Variants in ASTN1 observed in about 807,000 individuals in gnomAD.
ASTN1 encodes astrotactin-1.
Under a neutral mutation model 140.7 loss-of-function variants are expected in ASTN1, and 41 were observed. The observed-to-expected ratio is 0.29, with a 90% CI of 0.23 to 0.38. The LOEUF (loss-of-function observed/expected upper bound fraction) is 0.38, where lower values mean the gene tolerates loss of function less well. Ranked by LOEUF, ASTN1 falls within the 10% of genes least tolerant of loss-of-function variation. The probability of loss-of-function intolerance (pLI) is 1.00; values close to 1 mark genes in which losing one functional copy is unlikely to be tolerated. For missense variants in ASTN1, 1,479 were observed against 1,678.8 expected, an observed-to-expected ratio of 0.88 and a Z score of 2.08; for synonymous variants, 640 against 652.2, an observed-to-expected ratio of 0.98 and a Z score of 0.29.
intron 1 of ASTN1, among the ~76,000 whole-genome samples, chr1:177,140,487 T>G (rs1258069814): frequency 6.6e-6 from 1 of 152,176 alleles, no homozygotes; most frequent in African/African-American, 2.4e-5. Context: ...CTAACTTCCT[T>G]TATCCCGCAT....
Position 177,009,915 on chromosome 1 carries a change from T to C in ASTN1, c.1523+4876A>G, listed in dbSNP as rs58961689. Among the ~76,000 whole-genome samples, 1,119 of 152,320 alleles carry C rather than the reference T, an allele frequency of 7.3e-3. 14 individuals carry two copies. Among genetic ancestry groups the C allele is most frequent in the African/African-American group, 0.024 (1,001 of 41,574 alleles). The stretch of plus-strand genomic sequence containing the variant: ...GTGGGGAATCTCCTTGGTGTTGCCC[T>C]CTGTATCTGAGATGCCAGAATAAGA... On this transcript the variant is annotated intron_variant, in intron 8 of 22. Coordinates refer to ENST00000361833, the MANE Select transcript of ASTN1 (RefSeq NM_004319.3).
chr1:176,948,902 A>T (rs567992249), intron 12 of ASTN1, among the ~76,000 whole-genome samples: 1 of 152,364 alleles, frequency 6.6e-6, no homozygotes, highest in Admixed American at 6.5e-5. Context: ...TAATTGGAGA[A>T]TGATTTAAGT....
chr1:176,996,888 AT>A (rs1674480923), intron 8 of ASTN1, among the ~76,000 whole-genome samples: 1 of 152,178 alleles, frequency 6.6e-6, no homozygotes, highest in Non-Finnish European at 1.5e-5. Flanking sequence ...GGAAAATGCA[AT>A]TTGAGGAAGG....
chr1:177,110,499 G>A (rs944543452), intron 1 of ASTN1, among the ~76,000 whole-genome samples: 4 of 152,132 alleles, frequency 2.6e-5, no homozygotes, highest in Admixed American at 6.5e-5. Context: ...CTTTTCCAGC[G>A]ATGCTCTAGA....
chr1:176,946,734 A>C (rs1671974992), intron 12 of ASTN1, among the ~76,000 whole-genome samples: 1 of 152,220 alleles, frequency 6.6e-6, no homozygotes, highest in Non-Finnish European at 1.5e-5. Flanking sequence ...ACCCTAGGGC[A>C]CACAGTGTGA....
intron 7 of ASTN1, among the ~76,000 whole-genome samples, chr1:177,015,787 C>T (rs1675516425): frequency 6.6e-6 from 1 of 152,112 alleles, no homozygotes; most frequent in Non-Finnish European, 1.5e-5. Context: ...GCTCTATTTA[C>T]TACCGATTTT....
chr1:177,057,788 G>A lies in ASTN1; in HGVS notation c.471+3290C>T, dbSNP rs1241497078. Among the ~76,000 whole-genome samples the A allele has an allele frequency of 2.0e-5, 3 of 152,214 alleles. No homozygotes were observed. The East Asian group carries it at 5.8e-4, about 29-fold the overall frequency. On this transcript the variant is annotated intron_variant, in intron 2 of 22. Transcript: ENST00000361833. ...GTTTTGGTAATAAGATTTAATTTAA[G>A]TGCATTTCACTTCTCAATATTGTTA...
chr1:177,029,255 G>T, intron 5 of ASTN1: 1 of 464,304 alleles, frequency 2.2e-6, no homozygotes, highest in South Asian at 1.6e-5. Context: ...CAATGTGGTA[G>T]AGGAAGCAGG....
intron 1 of ASTN1, among the ~76,000 whole-genome samples, chr1:177,121,936 T>C (rs1681408477): frequency 6.6e-6 from 1 of 152,066 alleles, no homozygotes; most frequent in Admixed American, 6.6e-5. Flanking sequence ...GTCAACAGGA[T>C]TGAAGCAGAT....
chr1:176,866,339 C>T (rs1461564190), intron 22 of ASTN1, among the ~76,000 whole-genome samples: 1 of 152,156 alleles, frequency 6.6e-6, no homozygotes, highest in Non-Finnish European at 1.5e-5. Context: ...AAATCAAACA[C>T]TCTGCCTGCT....
intron 14 of ASTN1, among the ~76,000 whole-genome samples, chr1:176,942,818 GTGTATATATATATATATGTATATA>G (rs1275942491): frequency 9.4e-5 from 3 of 31,954 alleles, no homozygotes; most frequent in African/African-American, 3.3e-4. Flanking sequence ...CTTTGTGTGT[GTGTATATATATATATATGTATATA>G]TATATATATA....
At chr1:177,095,155 G>C (rs1571774992) in intron 1 of ASTN1, among the ~76,000 whole-genome samples, 1 of 152,158 alleles carries the variant, frequency 6.6e-6, no homozygotes, top group Non-Finnish European at 1.5e-5. Context: ...TGAGTGCTAA[G>C]AGTAAAATAT....
chr1:176,940,760 T>C (rs1319158131), intron 14 of ASTN1, among the ~76,000 whole-genome samples: 1 of 152,346 alleles, frequency 6.6e-6, no homozygotes, highest in South Asian at 2.1e-4. Flanking sequence ...AGATAAGACA[T>C]GTAGTTCAGT....
chr1:177,162,491 C>T (rs898570266), intron 1 of ASTN1, among the ~76,000 whole-genome samples: 1 of 152,208 alleles, frequency 6.6e-6, no homozygotes, highest in African/African-American at 2.4e-5. Flanking sequence ...GGCAGCTTTG[C>T]ACAGAGGTGC....
At chr1:177,025,446 TA>T (rs1417576063) in intron 5 of ASTN1, among the ~76,000 whole-genome samples, 3 of 152,122 alleles carry the variant, frequency 2.0e-5, no homozygotes, top group African/African-American at 7.2e-5. Context: ...GTACCATTGT[TA>T]TTTTTTTTTA....
intron 1 of ASTN1, among the ~76,000 whole-genome samples, chr1:177,122,065 T>G (rs539048759): frequency 6.6e-6 from 1 of 152,302 alleles, no homozygotes; most frequent in East Asian, 1.9e-4. Flanking sequence ...CCTGGAGCAC[T>G]TTGGGGTTAT....
chr1:177,088,200 T>C (rs1679571176), intron 1 of ASTN1, among the ~76,000 whole-genome samples: 1 of 152,182 alleles, frequency 6.6e-6, no homozygotes, highest in African/African-American at 2.4e-5. Flanking sequence ...GGAAATCCAT[T>C]TAAGCACCTA....
chr1:177,117,208 G>A (rs1171350229), intron 1 of ASTN1, among the ~76,000 whole-genome samples: 1 of 151,914 alleles, frequency 6.6e-6, no homozygotes, highest in African/African-American at 2.4e-5. Context: ...AGACACACAA[G>A]GAACATTCAC....
chr1:177,028,128 G>A (rs1288054559), intron 5 of ASTN1, among the ~76,000 whole-genome samples: 1 of 152,120 alleles, frequency 6.6e-6, no homozygotes, highest in East Asian at 1.9e-4. Flanking sequence ...GTAAAAAGTT[G>A]ATGCATTAGG....
Sources: allele counts gnomAD v4.1 joint callset (sites outside exome capture counted in the v4.1 genomes callset), GRCh38; gene constraint gnomAD v4.1.1; transcripts MANE v1.5; gene names NCBI Gene and HGNC (gene_info 2026-07-23, HGNC 2026-07-21).